The following DNAH8 variants were observed in gnomAD, a reference collection of about 807,000 sequenced individuals.
DNAH8 encodes axonemal beta dynein heavy chain 8.
In DNAH8, 382 loss-of-function variants were observed where a neutral mutation model predicts 562.1. The observed-to-expected ratio is 0.68, with a 90% CI of 0.63 to 0.74. The LOEUF is 0.74. DNAH8 is among the 30% of genes least tolerant of loss of function. The pLI is 0.00. For missense variants in DNAH8, 5,203 were observed against 5,620.4 expected (o/e 0.93, Z 2.37); for synonymous variants, 1,881 against 1,919.4 (o/e 0.98, Z 0.52).
intron 86 of DNAH8, among the ~76,000 whole-genome samples, chr6:38,983,915 T>C (rs746742807): frequency 6.6e-6 from 1 of 152,222 alleles, no homozygotes; most frequent in African/African-American, 2.4e-5. Context: ...ATGAGTATTA[T>C]AGGTAATTAT....
chr6:38,808,995 C>T (rs1010582658), intron 24 of DNAH8, among the ~76,000 whole-genome samples: 7 of 151,676 alleles, frequency 4.6e-5, no homozygotes, highest in Admixed American at 1.3e-4. Context: ...ATGTAGATGA[C>T]GGGTTGATGG....
At chr6:38,821,868 A>C (rs1772882572) in intron 26 of DNAH8, among the ~76,000 whole-genome samples, 1 of 152,176 alleles carries the variant, frequency 6.6e-6, no homozygotes, top group Non-Finnish European at 1.5e-5. Context: ...AGCCAGCTGG[A>C]GTCAAAATTT....
In DNAH8 at chr6:38,869,850, T is replaced by C. The variant is rs564621101; in HGVS notation, c.6829-551T>C. ...GACTGGGGCAGGATTGTAGAACACA[T>C]TGAATGCTAACGAACTTTGGGTACA... On this transcript the variant is annotated intron_variant, in intron 48 of 92. Coordinates refer to ENST00000327475, the MANE Select transcript of DNAH8 (RefSeq NM_001206927.2). 1.5e-3 allele frequency among the ~76,000 whole-genome samples: 225 copies of C among 152,336 alleles called. 1 individual carries two copies. Among genetic ancestry groups the C allele is most frequent in the Non-Finnish European group, 2.8e-3 (190 of 68,028 alleles).
In DNAH8 at chr6:38,781,342, G is replaced by A. The variant is rs1768586914; in HGVS notation, c.2228G>A (p.Arg743His). 6.2e-7 allele frequency: 1 copy of A among 1,613,402 alleles called. No homozygotes were observed. Among genetic ancestry groups the A allele is most frequent in the African/African-American group, 1.3e-5 (1 of 74,836 alleles). The change falls in exon 16 of 93, where the codon CGC (arginine) becomes CAC (histidine). Residue 743 changes from arginine (R) to histidine (H), a missense_variant. By Grantham distance (29) the Arg-to-His change is conservative (BLOSUM62 0). Around this residue, in one of 6 missense-constraint regions of DNAH8, gnomAD observed 2,176 missense variants for 2,365.1 expected, o/e 0.92. Transcript: ENST00000327475. ...GKILWVRQLY[R>H]RISEPINYFF... ...ATACTCTGGGTGAGGCAGCTCTATCGCCGGATAAGTGAGCCCATCAATTAT... is the reference window on the plus strand; with the variant it reads ...ATACTCTGGGTGAGGCAGCTCTATCACCGGATAAGTGAGCCCATCAATTAT...
chr6:38,951,495 T>G lies in DNAH8; in HGVS notation c.12426T>G (p.Asp4142Glu). Residue 4142 changes from aspartate (D) to glutamate (E), a missense_variant, in exon 82 of 93, where the codon GAT (aspartate) becomes GAG (glutamate). Around this residue, in one of 6 missense-constraint regions of DNAH8, gnomAD observed 1,399 missense variants for 1,518.4 expected, o/e 0.92. Transcript: ENST00000327475. ...GATCTGACCCCACCAATCAAATTGA[T>G]GCATTGGCCAAGAAACTGAAACTGG... Reference protein sequence around the residue: ...SMGSDPTNQIDALAKKLKLEC... With the variant: ...SMGSDPTNQIEALAKKLKLEC... 1 of 1,614,042 alleles carries G rather than the reference T, an allele frequency of 6.2e-7. No individual in the cohort carries two copies. Among genetic ancestry groups the G allele is most frequent in the Non-Finnish European group, 8.5e-7 (1 of 1,179,954 alleles).
At chr6:38,966,178 T>C (rs73410594) in intron 82 of DNAH8, among the ~76,000 whole-genome samples, 6,975 of 152,170 alleles carry the variant, frequency 0.046, 507 homozygotes, top group African/African-American at 0.15. Context: ...GCGTAACTAC[T>C]TACCCAAATT....
At position 38,917,341 on chromosome 6, in the gene DNAH8, A is replaced by G. The variant is rs1781380980; in HGVS notation, c.10243A>G (p.Ile3415Val). The change falls in exon 69 of 93, where the codon ATT (isoleucine) becomes GTT (valine). Residue 3415 changes from isoleucine (I) to valine (V), a missense_variant. Ile to Val is a conservative substitution (Grantham distance 29, BLOSUM62 3). This residue lies in a region of DNAH8 where 87 missense variants were observed against 144.9 expected (regional missense o/e 0.60). Coordinates refer to ENST00000327475, the MANE Select transcript of DNAH8 (RefSeq NM_001206927.2). Reference protein sequence around the residue: ...DCVLLLFQKKIDPVTMDPEKS... With the variant: ...DCVLLLFQKKVDPVTMDPEKS... ...TGTTCTGTTACTATTTCAAAAGAAA[A>G]TTGACCCTGTTACTATGGATCCAGA... 2 of 1,613,636 alleles carry G rather than the reference A, an allele frequency of 1.2e-6. No individual in the cohort carries two copies. Among genetic ancestry groups the G allele is most frequent in the South Asian group, 2.2e-5 (2 of 91,064 alleles).
intron 88 of DNAH8, among the ~76,000 whole-genome samples, chr6:38,994,887 G>T (rs377154124): frequency 6.6e-6 from 1 of 151,956 alleles, no homozygotes; most frequent in Non-Finnish European, 1.5e-5. Flanking sequence ...CACGTGATCC[G>T]CCAGCCTTGG....
At chr6:38,863,791 T>C (rs1776824213) in intron 44 of DNAH8, 82 bp from the exon 45 acceptor site, 15 of 1,159,168 alleles carry the variant, frequency 1.3e-5, no homozygotes, top group Non-Finnish European at 1.8e-5. Context: ...GTATAATGGT[T>C]TGGGAGCACT....
chr6:38,817,036 T>C (rs575227259), intron 26 of DNAH8, among the ~76,000 whole-genome samples: 140 of 152,192 alleles, frequency 9.2e-4, no homozygotes, highest in African/African-American at 3.2e-3. Context: ...GAAAGGCAAA[T>C]TGAAAATAAC....
chr6:38,866,839 T>C lies in DNAH8; in HGVS notation c.6656T>C (p.Val2219Ala), dbSNP rs571866276. The C allele has an allele frequency of 2.0e-5, 33 of 1,612,934 alleles. No individual in the cohort carries two copies. Among genetic ancestry groups the C allele is most frequent in the Admixed American group, 5.0e-5 (3 of 59,980 alleles). ...ENVILAQKFY[V>A]LYKLCEEQLT... ...GTTATCTTGGCTCAAAAATTTTACGTTCTTTACAAACTCTGTGAAGAGCAA... is the reference window on the plus strand; with the variant it reads ...GTTATCTTGGCTCAAAAATTTTACGCTCTTTACAAACTCTGTGAAGAGCAA... The change falls in exon 47 of 93, where the codon GTT (valine) becomes GCT (alanine). Residue 2219 changes from valine (V) to alanine (A), a missense_variant. Physicochemically the swap from Val to Ala is moderately conservative, Grantham distance 64. Coordinates refer to ENST00000327475, the MANE Select transcript of DNAH8 (RefSeq NM_001206927.2).
chr6:38,818,558 A>G (rs370419616), intron 26 of DNAH8, among the ~76,000 whole-genome samples: 20 of 149,552 alleles, frequency 1.3e-4, no homozygotes, highest in African/African-American at 4.9e-4. Flanking sequence ...AAAAAAGAAG[A>G]TATGGGATAT....
chr6:38,943,402 C>T (rs1253207452), intron 79 of DNAH8, among the ~76,000 whole-genome samples: 1 of 152,082 alleles, frequency 6.6e-6, no homozygotes. Flanking sequence ...TTTAAAAAAT[C>T]ATTTTGAACT....
intron 75 of DNAH8, among the ~76,000 whole-genome samples, chr6:38,930,640 A>G (rs1782486489): frequency 6.6e-6 from 1 of 152,164 alleles, no homozygotes; most frequent in African/African-American, 2.4e-5. Context: ...TCATAAAAAG[A>G]AGCTAAGAAC....
At chr6:38,970,660 A>C (rs1239993652) in intron 82 of DNAH8, among the ~76,000 whole-genome samples, 1 of 152,152 alleles carries the variant, frequency 6.6e-6, no homozygotes, top group Non-Finnish European at 1.5e-5. Flanking sequence ...TCCCCACCCC[A>C]TGAAGTCTCC....
chr6:38,851,542 TTGGTAACATAC>T lies in DNAH8; in HGVS notation c.5364-27_5364-17del. ...AATAATTTAGGGGAAAAAAAACCACTTGGTAACATACTGTCGACTTTATTTGAAGGTATTTG... is the reference window on the plus strand; with the variant it reads ...AATAATTTAGGGGAAAAAAAACCACTTGTCGACTTTATTTGAAGGTATTTG... On this transcript the variant is annotated intron_variant, in intron 38 of 92. Transcript: ENST00000327475. The T allele has an allele frequency of 7.0e-7, 1 of 1,433,200 alleles. No homozygotes were observed. The highest frequency in any genetic ancestry group is 1.2e-5 in the South Asian group (1 of 81,684). The allele number at this position is 1,433,200 out of a possible 1,614,324, so 88.8% of individuals were successfully genotyped here. A position where few individuals can be genotyped will look rare whatever the true frequency, so the allele number is the denominator to read the frequency against.
At chr6:38,859,073 G>T (rs1454960991) in intron 42 of DNAH8, among the ~76,000 whole-genome samples, 1 of 152,170 alleles carries the variant, frequency 6.6e-6, no homozygotes, top group Non-Finnish European at 1.5e-5. Flanking sequence ...CCAACTAAAT[G>T]AGATGTCATG....
chr6:38,890,676 A>C lies in DNAH8; in HGVS notation c.8498A>C (p.Asp2833Ala). ...IFGIIGCGYF[D>A]PCRSFKPQIC... is the part of the protein sequence containing the mutation. ...GGAATTATTGGATGTGGATACTTTG[A>C]TCCTTGTAGAAGTTTCAAGCCTCAA... Residue 2833 changes from aspartate to alanine, a missense_variant, in exon 58 of 93, where the codon GAT (aspartate) becomes GCT (alanine). Physicochemically the swap from Asp to Ala is moderately radical, Grantham distance 126 (BLOSUM62 -2). Coordinates refer to ENST00000327475, the MANE Select transcript of DNAH8 (RefSeq NM_001206927.2). 1 of 1,613,218 alleles carries C rather than the reference A, an allele frequency of 6.2e-7. No homozygotes were observed. The highest frequency in any genetic ancestry group is 1.1e-5 in the South Asian group (1 of 91,044).
At chr6:39,011,434 G>T (rs144833246) in intron 89 of DNAH8, among the ~76,000 whole-genome samples, 2 of 152,284 alleles carry the variant, frequency 1.3e-5, no homozygotes, top group Non-Finnish European at 2.9e-5. Context: ...GCATCTCTTT[G>T]ATTGTGGCCA....
Sources: allele counts gnomAD v4.1 joint callset (sites outside exome capture counted in the v4.1 genomes callset), GRCh38; gene constraint gnomAD v4.1.1; regional missense constraint gnomAD v4.1.1; transcripts MANE v1.5; gene names NCBI Gene and HGNC (gene_info 2026-07-23, HGNC 2026-07-21).